ZMYND11: variants seen among roughly 807,000 people sequenced by gnomAD.
The protein encoded by ZMYND11 is zinc finger MYND-type containing 11, also known as zinc finger MYND domain-containing protein 11.
Under a neutral mutation model 84.9 loss-of-function variants are expected in ZMYND11, and 9 were observed. The observed-to-expected ratio is 0.11, with a 90% CI of 0.06 to 0.18. The LOEUF (loss-of-function observed/expected upper bound fraction) is 0.18, where lower values mean the gene tolerates loss of function less well. ZMYND11 is among the 10% of genes least tolerant of loss of function. ZMYND11 has a pLI of 1.00. For synonymous variants in ZMYND11, 250 were observed against 244.1 expected, an observed-to-expected ratio of 1.02 and a Z score of -0.23; for missense variants, 409 against 761.0, an observed-to-expected ratio of 0.54 and a Z score of 5.44.
chr10:164,094 C>G (rs1289038259), intron 1 of ZMYND11, among the ~76,000 whole-genome samples: 1 of 152,110 alleles, frequency 6.6e-6, no homozygotes, highest in African/African-American at 2.4e-5. Context: ...AGCTTAAAAT[C>G]CCTTCAGTTG....
chr10:233,345 C>A (rs1015415314), intron 4 of ZMYND11, among the ~76,000 whole-genome samples: 1 of 152,174 alleles, frequency 6.6e-6, no homozygotes, highest in Non-Finnish European at 1.5e-5. Context: ...TGTCCCTGGG[C>A]CAGTAGATCC....
At chr10:231,491 G>A (rs1347284107) in intron 4 of ZMYND11, among the ~76,000 whole-genome samples, 1 of 152,170 alleles carries the variant, frequency 6.6e-6, no homozygotes, top group East Asian at 1.9e-4. Context: ...TTCTATGACT[G>A]AAAAACTATA....
At chr10:196,470 A>G (rs548408376) in intron 2 of ZMYND11, among the ~76,000 whole-genome samples, 1 of 152,298 alleles carries the variant, frequency 6.6e-6, no homozygotes, top group South Asian at 2.1e-4. Flanking sequence ...GAAGTTTTTA[A>G]GATGTATATA....
At chr10:249,378 T>G (rs1952860092) in intron 14 of ZMYND11, 4 of 1,124,070 alleles carry the variant, frequency 3.6e-6, no homozygotes, top group Non-Finnish European at 4.4e-6. Context: ...TATGCATATA[T>G]TTTATTTGGG....
intron 1 of ZMYND11, among the ~76,000 whole-genome samples, chr10:178,609 T>C (rs1349391288): frequency 6.6e-6 from 1 of 152,244 alleles, no homozygotes; most frequent in Non-Finnish European, 1.5e-5. Context: ...TCATTATGTA[T>C]AAATTTATAC....
At chr10:221,047 A>G in intron 3 of ZMYND11, 148 bp from the exon 4 acceptor site, 1 of 670,250 alleles carries the variant, frequency 1.5e-6, no homozygotes, top group Non-Finnish European at 2.5e-6. Context: ...GCAACTTTCT[A>G]GGTATTTTCC....
chr10:173,911 T>C (rs1219087196), intron 1 of ZMYND11, among the ~76,000 whole-genome samples: 1 of 152,132 alleles, frequency 6.6e-6, no homozygotes, highest in Non-Finnish European at 1.5e-5. Flanking sequence ...ATACCAAATG[T>C]TGATGAGGAT....
At chr10:178,861 T>C (rs1453857239) in intron 1 of ZMYND11, among the ~76,000 whole-genome samples, 2 of 152,146 alleles carry the variant, frequency 1.3e-5, no homozygotes, top group Non-Finnish European at 2.9e-5. Context: ...AGTTTATTTG[T>C]GTTTGCCTGA....
chr10:175,678 C>G (rs1258894018), intron 1 of ZMYND11, among the ~76,000 whole-genome samples: 1 of 151,974 alleles, frequency 6.6e-6, no homozygotes, highest in South Asian at 2.1e-4. Context: ...GAATACATAG[C>G]TAGATTTCAG....
At chr10:135,197 G>A (rs1433513145), upstream of ZMYND11, 1 of 151,150 alleles carries the variant, frequency 6.6e-6, no homozygotes, top group South Asian at 2.1e-4. This position sits in a 1 kb window ranked among gnomAD's most constrained non-coding sequence, Gnocchi z 5.6. Flanking sequence ...GCCAGGGGAA[G>A]ACGCGAGTAA....
At chr10:240,420 C>T (rs1053082601) in intron 8 of ZMYND11, among the ~76,000 whole-genome samples, 7 of 152,202 alleles carry the variant, frequency 4.6e-5, no homozygotes, top group Admixed American at 1.3e-4. Flanking sequence ...AGGAGAATCG[C>T]TTGAACGTGG....
At chr10:177,678 T>C (rs1846953763) in intron 1 of ZMYND11, among the ~76,000 whole-genome samples, 1 of 152,182 alleles carries the variant, frequency 6.6e-6, no homozygotes, top group African/African-American at 2.4e-5. Context: ...AGCTTTGCTG[T>C]ATTTTTTATA....
intron 1 of ZMYND11, among the ~76,000 whole-genome samples, chr10:179,455 T>A (rs1191757293): frequency 6.6e-6 from 1 of 152,236 alleles, no homozygotes; most frequent in African/African-American, 2.4e-5. Context: ...TAGTGTTCTG[T>A]CCCTCAACCT....
chr10:173,080 C>T (rs966756415), intron 1 of ZMYND11, among the ~76,000 whole-genome samples: 58 of 151,616 alleles, frequency 3.8e-4, no homozygotes, highest in African/African-American at 1.3e-3. Context: ...CCTTACATCC[C>T]TCACAAAAAT....
At chr10:183,289 G>A (rs1248258793) in intron 2 of ZMYND11, among the ~76,000 whole-genome samples, 2 of 149,944 alleles carry the variant, frequency 1.3e-5, no homozygotes, top group African/African-American at 4.9e-5. Flanking sequence ...TCCATAGTCC[G>A]GCTTTTGCTG....
chr10:150,190 C>T (rs1564270653), intron 1 of ZMYND11, among the ~76,000 whole-genome samples: 3 of 152,118 alleles, frequency 2.0e-5, no homozygotes, highest in Admixed American at 1.3e-4. Context: ...AGGAGTGGTA[C>T]CAGCTCCTCC....
At chr10:240,146 A>G (rs529300951) in intron 8 of ZMYND11, 35 bp downstream of exon 8, 15 of 1,479,200 alleles carry the variant, frequency 1.0e-5, no homozygotes, top group Middle Eastern at 3.6e-4. Context: ...TACTCTTTCT[A>G]TAACTGAAAT....
chr10:157,587 G>A (rs1444427820), intron 1 of ZMYND11, among the ~76,000 whole-genome samples: 2 of 152,122 alleles, frequency 1.3e-5, no homozygotes, highest in South Asian at 4.1e-4. Context: ...GGGAGGTCTC[G>A]AGGAAAGGAA....
intron 1 of ZMYND11, among the ~76,000 whole-genome samples, chr10:147,561 C>G (rs1472630272): frequency 6.7e-6 from 1 of 149,858 alleles, no homozygotes; most frequent in Non-Finnish European, 1.5e-5. Context: ...AATGTCATAC[C>G]CTAGGATTTT....
Sources: gnomAD v4.1 joint callset for allele counts (sites outside exome capture counted in the v4.1 genomes callset) on GRCh38, gnomAD v4.1.1 for gene constraint, Gnocchi (gnomAD v3.1) non-coding constraint, MANE v1.5 for transcripts, NCBI Gene and HGNC (gene_info 2026-07-23, HGNC 2026-07-21) for gene names.